Variants in USP14 observed in about 807,000 individuals in gnomAD.
The protein encoded by USP14 is ubiquitin carboxyl-terminal hydrolase 14.
Under a neutral mutation model 76.5 loss-of-function variants are expected in USP14, and 38 were observed. That is an observed-to-expected ratio of 0.50 (90% CI 0.38 to 0.65). The LOEUF (loss-of-function observed/expected upper bound fraction) is 0.65. Ranked by LOEUF, USP14 falls within the 30% of genes least tolerant of loss-of-function variation. USP14 has a pLI of 0.00. For synonymous variants in USP14, 192 were observed against 191.7 expected, an observed-to-expected ratio of 1.00 and a Z score of -0.01; for missense variants, 467 against 586.5, an observed-to-expected ratio of 0.80 and a Z score of 2.10.
At chr18:196,603 G>C in intron 6 of USP14, 34 bp from the exon 7 acceptor site, 1 of 1,591,498 alleles carries the variant, frequency 6.3e-7, no homozygotes, top group South Asian at 1.1e-5. Context: ...ATATGTGACT[G>C]TTTTACTAAG....
At chr18:173,257 G>T (rs552913278) in intron 3 of USP14, among the ~76,000 whole-genome samples, 11 of 150,672 alleles carry the variant, frequency 7.3e-5, no homozygotes, top group South Asian at 4.2e-4. Context: ...ACAGGTGCCT[G>T]CCACCACACC....
In USP14 at chr18:213,993, A is replaced by AGATAGATAGAT. The variant is rs1567839603; in HGVS notation, c.*2716_*2717insAGATGATAGAT. ...AGATAGATTAGATAGATAGATAGAT[A>AGATAGATAGAT]GATAGATGATGATTGATTGATGATT... On this transcript the variant is annotated 3_prime_UTR_variant, in exon 16 of 16. Coordinates refer to ENST00000261601, the MANE Select transcript of USP14 (RefSeq NM_005151.4). 45 of 150,640 alleles carry AGATAGATAGAT rather than the reference A, an allele frequency of 3.0e-4. No homozygotes were observed. The highest frequency in any genetic ancestry group is 1.0e-3 in the African/African-American group (43 of 41,332). 9.3% of individuals were successfully genotyped at this position (150,640 alleles called of 1,614,324 possible).
intron 1 of USP14, among the ~76,000 whole-genome samples, chr18:159,864 C>T (rs547346803): frequency 1.3e-5 from 2 of 152,124 alleles, no homozygotes; most frequent in African/African-American, 4.8e-5. Context: ...TCCTCATCCC[C>T]CAAATGAAGG....
chr18:166,844 A>G, intron 3 of USP14, 25 bp downstream of exon 3: 2 of 1,601,724 alleles, frequency 1.2e-6, no homozygotes, highest in East Asian at 4.5e-5. Context: ...ATGAACGTTT[A>G]TTATAATGCA....
chr18:179,663 C>T (rs1351146449), intron 4 of USP14, among the ~76,000 whole-genome samples: 1 of 148,096 alleles, frequency 6.8e-6, no homozygotes, highest in Non-Finnish European at 1.5e-5. Flanking sequence ...TCATAGCTCA[C>T]TGTAACCTCA....
At chr18:163,187 G>T in intron 1 of USP14, 121 bp from the exon 2 acceptor site, 1 of 865,120 alleles carries the variant, frequency 1.2e-6, no homozygotes, top group Non-Finnish European at 1.8e-6. Context: ...AAGTGTTATG[G>T]GCATAGAAAG....
chr18:187,999 T>G (rs1453835972), intron 5 of USP14, among the ~76,000 whole-genome samples: 6 of 152,164 alleles, frequency 3.9e-5, no homozygotes, highest in Admixed American at 6.5e-5. Flanking sequence ...CTGTTTCAGG[T>G]AGTTTACTTC....
chr18:179,878 G>A (rs902315918), intron 4 of USP14, among the ~76,000 whole-genome samples: 1 of 151,474 alleles, frequency 6.6e-6, no homozygotes, highest in African/African-American at 2.4e-5. Context: ...TGGGATTACA[G>A]GTGTGAGCCA....
intron 3 of USP14, among the ~76,000 whole-genome samples, chr18:172,568 C>A (rs553493252): frequency 6.6e-6 from 1 of 152,118 alleles, no homozygotes; most frequent in Non-Finnish European, 1.5e-5. Context: ...AGTCAGTCAG[C>A]GTGGCAGGTT....
chr18:208,887 A>G (rs1429157241), intron 13 of USP14, among the ~76,000 whole-genome samples: 4 of 152,196 alleles, frequency 2.6e-5, no homozygotes, highest in Admixed American at 2.6e-4. Flanking sequence ...CTGGGATTAC[A>G]GGCGAGTGCC....
Position 211,218 on chromosome 18 carries a change from T to A in USP14, c.1419T>A (p.His473Gln). 1 of 1,614,152 alleles carries A rather than the reference T, an allele frequency of 6.2e-7. No individual in the cohort carries two copies. Among genetic ancestry groups the A allele is most frequent in the Non-Finnish European group, 8.5e-7 (1 of 1,179,996 alleles). The change falls in exon 16 of 16, where the codon CAT becomes CAA. Residue 473 changes from histidine to glutamine, a missense_variant. By Grantham distance (24) the His-to-Gln change is conservative (BLOSUM62 0). Coordinates refer to ENST00000261601, the MANE Select transcript of USP14 (RefSeq NM_005151.4). Reference protein sequence around the residue: ...ILRLSGGGDWHIAYVLLYGPR... With the variant: ...ILRLSGGGDWQIAYVLLYGPR... ...GGCTTTCTGGTGGTGGAGACTGGCA[T>A]ATCGCTTACGTTCTACTCTATGGGC... is the stretch of plus-strand genomic sequence containing the variant.
At chr18:206,830 G>A (rs1257084288) in intron 13 of USP14, among the ~76,000 whole-genome samples, 1 of 152,206 alleles carries the variant, frequency 6.6e-6, no homozygotes, top group African/African-American at 2.4e-5. Context: ...GAACTGGGGA[G>A]GCAGAGGTTG....
At chr18:162,684 A>G (rs1278524800) in intron 1 of USP14, among the ~76,000 whole-genome samples, 1 of 152,134 alleles carries the variant, frequency 6.6e-6, no homozygotes, top group Non-Finnish European at 1.5e-5. Flanking sequence ...GAAACTTATC[A>G]TTTTGGGAAA....
intron 5 of USP14, among the ~76,000 whole-genome samples, chr18:188,182 G>T (rs1456327953): frequency 2.0e-5 from 3 of 151,216 alleles, no homozygotes; most frequent in African/African-American, 7.3e-5. Flanking sequence ...TTTTCTCCTT[G>T]TCTTCTTCCC....
At chr18:201,452 A>G (rs1056051447) in intron 10 of USP14, among the ~76,000 whole-genome samples, 4 of 152,182 alleles carry the variant, frequency 2.6e-5, no homozygotes, top group Non-Finnish European at 5.9e-5. Flanking sequence ...ATAGTTTGGG[A>G]TAAGGTTGGC....
At chr18:202,966 G>A (rs764950466) in intron 11 of USP14, 21 bp downstream of exon 11, 9 of 1,612,848 alleles carry the variant, frequency 5.6e-6, no homozygotes, top group African/African-American at 4.0e-5. Context: ...CAGTCCTTTC[G>A]AAGCCAAATT....
intron 15 of USP14, among the ~76,000 whole-genome samples, 175 bp from the exon 16 acceptor site, chr18:210,958 G>A (rs933586291): frequency 1.3e-5 from 2 of 152,144 alleles, no homozygotes; most frequent in Non-Finnish European, 2.9e-5. Context: ...TTGTAACCTG[G>A]TGGAACCCCT....
In USP14 at chr18:158,659, C is replaced by A. The variant is rs907774651; in HGVS notation, c.-40C>A. On this transcript the variant is annotated 5_prime_UTR_variant, in exon 1 of 16. Transcript: ENST00000261601. ...CCGTCCCTTTGCCGCCCTCGTCAGG[C>A]CCAGCTCTCCTGCGCCGCCGCCTCC... 6.6e-7 allele frequency: 1 copy of A among 1,520,462 alleles called. No individual in the cohort carries two copies. The highest frequency in any genetic ancestry group is 8.8e-7 in the Non-Finnish European group (1 of 1,141,360). 94.2% of individuals were successfully genotyped at this position (1,520,462 alleles called of 1,614,324 possible).
intron 6 of USP14, among the ~76,000 whole-genome samples, chr18:195,381 T>TGTA (rs10676245): frequency 0.62 from 93,508 of 151,684 alleles, 29,064 homozygotes; most frequent in South Asian, 0.76. Flanking sequence ...GCTAAGATGC[T>TGTA]GTATTTGGTG....
Sources: allele counts gnomAD v4.1 joint callset (sites outside exome capture counted in the v4.1 genomes callset), GRCh38; gene constraint gnomAD v4.1.1; transcripts MANE v1.5; gene names NCBI Gene and HGNC (gene_info 2026-07-23, HGNC 2026-07-21).